The following CEP43 variants were observed in gnomAD, a reference collection of about 807,000 sequenced individuals.
The protein encoded by CEP43 is FGFR1 oncogene partner.
A neutral mutation model predicts 52.6 loss-of-function variants in CEP43; 36 were observed. The observed-to-expected ratio is 0.68, with a 90% CI of 0.52 to 0.90. The LOEUF (loss-of-function observed/expected upper bound fraction) is 0.90, where lower values mean the gene tolerates loss of function less well. Ranked by LOEUF, CEP43 falls within the 40% of genes least tolerant of loss-of-function variation. The pLI, the probability that CEP43 is intolerant of heterozygous loss-of-function variation, is 0.00. For missense variants in CEP43, 506 were observed against 472.8 expected, an observed-to-expected ratio of 1.07 and a Z score of -0.65; for synonymous variants, 192 against 172.4, an observed-to-expected ratio of 1.11 and a Z score of -0.89.
At chr6:167,039,403 G>C (rs1210054597) in intron 12 of CEP43, among the ~76,000 whole-genome samples, 1 of 152,180 alleles carries the variant, frequency 6.6e-6, no homozygotes, top group Non-Finnish European at 1.5e-5. Context: ...GGTTGGGATT[G>C]CAGGCATGAG....
At position 167,040,061 on chromosome 6, in the gene CEP43, T is replaced by C; in HGVS notation, c.*83T>C. On this transcript the variant is annotated 3_prime_UTR_variant, in exon 13 of 13. Transcript: ENST00000366847. ...TTTTTTTTCCAGACAATCACTCAGCTGGAATGTCTGCTCTCTATTGGTGCC... is the reference window on the plus strand; with the variant it reads ...TTTTTTTTCCAGACAATCACTCAGCCGGAATGTCTGCTCTCTATTGGTGCC... The C allele has an allele frequency of 6.2e-7, 1 of 1,611,014 alleles. No individual in the cohort carries two copies. Among genetic ancestry groups the C allele is most frequent in the Non-Finnish European group, 8.5e-7 (1 of 1,177,962 alleles).
intron 12 of CEP43, among the ~76,000 whole-genome samples, chr6:167,039,085 A>C (rs139500285): frequency 1.3e-5 from 2 of 152,056 alleles, no homozygotes; most frequent in African/African-American, 4.8e-5. Context: ...TTCACTTAGA[A>C]TAATGGTCTC....
chr6:167,002,211 CA>C (rs1370263354), intron 2 of CEP43, among the ~76,000 whole-genome samples: 2 of 152,156 alleles, frequency 1.3e-5, no homozygotes, highest in African/African-American at 4.8e-5. Flanking sequence ...TCCCCCACCC[CA>C]AACCTTTTTA....
rs942731192 is a variant in CEP43 at position 167,049,674 on chromosome 6, C to T, written c.*9696C>T. ...TGTGAATAACAGTGCTAAGCACATT[C>T]ATATGCAGTGTTTGTGTAGATATAT... On this transcript the variant is annotated 3_prime_UTR_variant, in exon 13 of 13. Coordinates refer to ENST00000366847, the MANE Select transcript of CEP43 (RefSeq NM_007045.4). The T allele has an allele frequency of 6.6e-6, 1 of 152,210 alleles. No homozygotes were observed. The highest frequency in any genetic ancestry group is 2.4e-5 in the African/African-American group (1 of 41,454). 9.4% of individuals were successfully genotyped at this position (152,210 alleles called of 1,614,324 possible). A position where few individuals can be genotyped will look rare whatever the true frequency, so the allele number is the denominator to read the frequency against.
intron 8 of CEP43, among the ~76,000 whole-genome samples, chr6:167,024,031 C>G (rs1342131188): frequency 6.6e-6 from 1 of 152,126 alleles, no homozygotes; most frequent in African/African-American, 2.4e-5. Flanking sequence ...GAGAGCTGTT[C>G]AGCTTTAAAG....
chr6:167,024,316 G>T (rs1253838685), intron 8 of CEP43, among the ~76,000 whole-genome samples: 1 of 152,180 alleles, frequency 6.6e-6, no homozygotes, highest in African/African-American at 2.4e-5. Context: ...GTGGAAACCC[G>T]GAGGGTTGTT....
chr6:167,017,839 G>A (rs77009451), intron 7 of CEP43, among the ~76,000 whole-genome samples: 5 of 152,052 alleles, frequency 3.3e-5, no homozygotes, highest in Admixed American at 2.0e-4. Context: ...CTTAATGACC[G>A]TTGTAGTGCT....
rs962066148 is a variant in CEP43, at chr6:167,047,275, A to G, written c.*7297A>G. 2.6e-5 allele frequency: 4 copies of G among 152,310 alleles called. No individual in the cohort carries two copies. Among genetic ancestry groups the G allele is most frequent in the African/African-American group, 7.2e-5 (3 of 41,460 alleles). The allele number at this position is 152,310 out of a possible 1,614,324, so 9.4% of individuals were successfully genotyped here. Reference sequence around the variant, plus strand: ...CAGGAGGGGTCCCCTACTGACAGGGAGGTGCTGTCGGGGCAGCAGGCACGT... The same window carrying G: ...CAGGAGGGGTCCCCTACTGACAGGGGGGTGCTGTCGGGGCAGCAGGCACGT... On this transcript the variant is annotated 3_prime_UTR_variant, in exon 13 of 13. Coordinates refer to ENST00000366847, the MANE Select transcript of CEP43 (RefSeq NM_007045.4).
intron 7 of CEP43, among the ~76,000 whole-genome samples, chr6:167,017,001 T>A (rs1283285618): frequency 6.6e-6 from 1 of 150,570 alleles, no homozygotes; most frequent in Non-Finnish European, 1.5e-5. Context: ...TTTTTTTTTT[T>A]TTTTATTTTT....
At chr6:167,004,156 G>C in intron 4 of CEP43, 108 bp from the exon 5 acceptor site, 2 of 1,174,642 alleles carry the variant, frequency 1.7e-6, no homozygotes, top group Non-Finnish European at 2.3e-6. Context: ...TAGTAAGACA[G>C]TCTCTTTGAG....
chr6:167,035,001 A>C (rs899624055), intron 12 of CEP43, among the ~76,000 whole-genome samples: 1 of 152,216 alleles, frequency 6.6e-6, no homozygotes, highest in Middle Eastern at 3.2e-3. Flanking sequence ...GATTCTTTAA[A>C]TATGAGGGAG....
chr6:167,003,825 T>A lies in CEP43; in HGVS notation c.300+14T>A, dbSNP rs1290289130. 12 of 1,477,400 alleles carry A rather than the reference T, an allele frequency of 8.1e-6. No homozygotes were observed. Among genetic ancestry groups the A allele is most frequent in the Non-Finnish European group, 1.1e-5 (12 of 1,059,554 alleles). 91.5% of individuals were successfully genotyped at this position (1,477,400 alleles called of 1,614,324 possible). On this transcript the variant is annotated intron_variant, in intron 4 of 12. Transcript: ENST00000366847. ...GAAACTAGCACAGTAAGAATAATGATTTTTACATCTATCTTTTGAAACCTT... is the reference window on the plus strand; with the variant it reads ...GAAACTAGCACAGTAAGAATAATGAATTTTACATCTATCTTTTGAAACCTT...
Position 166,999,430 on chromosome 6 carries a change from C to A in CEP43, c.18C>A (p.Ala6=). 1 of 1,477,614 alleles carries A rather than the reference C, an allele frequency of 6.8e-7. No homozygotes were observed. The highest frequency in any genetic ancestry group is 9.0e-7 in the Non-Finnish European group (1 of 1,111,454). The allele number at this position is 1,477,614 out of a possible 1,614,324, so 91.5% of individuals were successfully genotyped here. The part of the protein sequence containing the change: MAATA[A]AVVAEEDTEL... ...GAAGCAAGATGGCGGCGACGGCGGC[C>A]GCAGTGGTGGCCGAGGAGGACACGG... The change falls in exon 1 of 13, where the codon GCC becomes GCA. Residue 6 remains alanine, a synonymous_variant. Transcript: ENST00000366847.
intron 5 of CEP43, among the ~76,000 whole-genome samples, chr6:167,007,410 T>C (rs772590348): frequency 3.7e-4 from 56 of 152,170 alleles, no homozygotes; most frequent in Middle Eastern, 3.2e-3. Context: ...GGTAGTTGTT[T>C]TACTCCCCCA....
intron 10 of CEP43, among the ~76,000 whole-genome samples, chr6:167,029,204 G>A (rs1050524092): frequency 2.6e-5 from 4 of 152,208 alleles, no homozygotes; most frequent in Admixed American, 6.5e-5. Context: ...CAGGAAGTCC[G>A]GGCCAAAGAT....
chr6:167,042,298 C>T lies in CEP43; in HGVS notation c.*2320C>T. On this transcript the variant is annotated 3_prime_UTR_variant, in exon 13 of 13. Coordinates refer to ENST00000366847, the MANE Select transcript of CEP43 (RefSeq NM_007045.4). ...AAAAAATAAATATTGAAATATTAAC[C>T]CATTAAATACATTTTTATGGTAACC... is the stretch of plus-strand genomic sequence containing the variant. The T allele has an allele frequency of 5.0e-6, 5 of 997,864 alleles. No homozygotes were observed. Among genetic ancestry groups the T allele is most frequent in the Non-Finnish European group, 6.0e-6 (5 of 834,036 alleles). The allele number at this position is 997,864 out of a possible 1,614,324, so 61.8% of individuals were successfully genotyped here. A position where few individuals can be genotyped will look rare whatever the true frequency, so the allele number is the denominator to read the frequency against.
Position 167,024,818 on chromosome 6 carries a change from C to A in CEP43, c.843C>A (p.Ala281=), listed in dbSNP as rs571875042. The A allele has an allele frequency of 1.9e-6, 3 of 1,613,906 alleles. No individual in the cohort carries two copies. The highest frequency in any genetic ancestry group is 4.5e-5 in the East Asian group (2 of 44,874). ...CTAGGAAGCAAGCAGGAAGTCTGGC[C>A]TCGCTCTCGGATGCACCCCCCTTAA... The part of the protein sequence containing the change: ...KEPRKQAGSL[A]SLSDAPPLKS... The change falls in exon 9 of 13, where the codon GCC becomes GCA. Residue 281 remains alanine (A), a synonymous_variant. Transcript: ENST00000366847.
intron 10 of CEP43, among the ~76,000 whole-genome samples, chr6:167,029,896 T>C (rs1390392152): frequency 6.6e-6 from 1 of 152,142 alleles, no homozygotes; most frequent in East Asian, 1.9e-4. Flanking sequence ...CAAAGTACAT[T>C]CTCAAGGGTG....
chr6:167,032,788 G>T (rs1780499476), intron 11 of CEP43, 146 bp downstream of exon 11: 1 of 699,590 alleles, frequency 1.4e-6, no homozygotes, highest in Non-Finnish European at 2.1e-6. Flanking sequence ...AGAAAAGATA[G>T]TTAATCCAAA....
Sources: allele counts gnomAD v4.1 joint callset (sites outside exome capture counted in the v4.1 genomes callset), GRCh38; gene constraint gnomAD v4.1.1; transcripts MANE v1.5; gene names NCBI Gene and HGNC (gene_info 2026-07-23, HGNC 2026-07-21).